The following DCDC1 variants were observed in gnomAD, a reference collection of about 807,000 sequenced individuals.
DCDC1 encodes the protein doublecortin domain containing 1, also known as doublecortin domain-containing protein 1.
DCDC1 carries 200 observed loss-of-function variants against 178.3 expected under a neutral mutation model. The ratio of observed to expected loss-of-function variants is 1.12; its 90% CI spans 1.00 to 1.26. The LOEUF is 1.26. Ranked by LOEUF, DCDC1 falls within the 50% of genes most tolerant of loss-of-function variation. DCDC1 has a pLI of 0.00. For synonymous variants in DCDC1, 690 were observed against 604.8 expected (o/e 1.14, Z -2.07); for missense variants, 1,983 against 1,749.2 (o/e 1.13, Z -2.38).
At chr11:31,257,883 T>C (rs1297840884) in intron 8 of DCDC1, among the ~76,000 whole-genome samples, 1 of 152,108 alleles carries the variant, frequency 6.6e-6, no homozygotes, top group Non-Finnish European at 1.5e-5. Context: ...TGAAACCTAT[T>C]AGAAGAATAA....
intron 8 of DCDC1, among the ~76,000 whole-genome samples, chr11:31,260,822 C>T (rs1340677355): frequency 6.6e-6 from 1 of 152,090 alleles, no homozygotes; most frequent in Non-Finnish European, 1.5e-5. Flanking sequence ...TTTAAAACCT[C>T]CCTCGAAATC....
intron 17 of DCDC1, 106 bp from the exon 18 acceptor site, chr11:31,078,031 C>G: frequency 1.5e-6 from 1 of 677,024 alleles, no homozygotes; most frequent in East Asian, 2.7e-5. Flanking sequence ...GGAGGACTGC[C>G]CACACTCTAC....
chr11:30,902,920 A>T (rs1221921378), intron 32 of DCDC1, among the ~76,000 whole-genome samples: 1 of 152,172 alleles, frequency 6.6e-6, no homozygotes, highest in Non-Finnish European at 1.5e-5. Context: ...CACAGCTATA[A>T]ACAGATCATT....
At chr11:31,213,999 G>A (rs1424392483) in intron 9 of DCDC1, among the ~76,000 whole-genome samples, 2 of 151,740 alleles carry the variant, frequency 1.3e-5, no homozygotes, top group African/African-American at 2.4e-5. Context: ...TTTGGTGGGG[G>A]GGACTTCCAT....
In DCDC1 at chr11:31,100,604, C is replaced by T. The variant is rs190700263; in HGVS notation, c.1983+1573G>A. Among the ~76,000 whole-genome samples, 308 of 152,236 alleles carry T rather than the reference C, an allele frequency of 2.0e-3. 1 individual carries two copies. The highest frequency in any genetic ancestry group is 4.0e-3 in the Non-Finnish European group (269 of 68,008). The stretch of plus-strand genomic sequence containing the variant: ...GGTATATCCCAGGCAAAGAACAATA[C>T]AAGCCATGGCACAAGTATACGAAAG... On this transcript the variant is annotated intron_variant, in intron 15 of 38. Coordinates refer to ENST00000684477, the MANE Select transcript of DCDC1 (RefSeq NM_001387274.1).
chr11:31,043,132 T>C (rs1470872028), intron 20 of DCDC1, among the ~76,000 whole-genome samples: 10 of 152,166 alleles, frequency 6.6e-5, no homozygotes, highest in Admixed American at 1.3e-4. Context: ...CGTAGCACAA[T>C]GGCAAGTATT....
intron 8 of DCDC1, among the ~76,000 whole-genome samples, chr11:31,262,461 A>G (rs2137080754): frequency 6.6e-6 from 1 of 152,292 alleles, no homozygotes; most frequent in South Asian, 2.1e-4. Flanking sequence ...AGCAATAGGT[A>G]GGAGAAAATT....
At chr11:31,086,849 G>T (rs933465782) in intron 17 of DCDC1, among the ~76,000 whole-genome samples, 3 of 152,044 alleles carry the variant, frequency 2.0e-5, no homozygotes, top group Non-Finnish European at 2.9e-5. Flanking sequence ...AGAGATACTG[G>T]TCTATGATTT....
chr11:30,965,730 T>A (rs1400470576), intron 20 of DCDC1, among the ~76,000 whole-genome samples: 8 of 142,406 alleles, frequency 5.6e-5, no homozygotes, highest in Admixed American at 5.0e-4. Flanking sequence ...TAGGTATATC[T>A]CCCAATGCTA....
chr11:30,908,677 C>G (rs1261396378), intron 29 of DCDC1, among the ~76,000 whole-genome samples: 1 of 152,022 alleles, frequency 6.6e-6, no homozygotes, highest in Non-Finnish European at 1.5e-5. Flanking sequence ...ACTTATTTCC[C>G]TAGTCTCTCT....
intron 7 of DCDC1, among the ~76,000 whole-genome samples, chr11:31,268,000 A>G (rs752276803): frequency 4.6e-5 from 7 of 152,232 alleles, no homozygotes; most frequent in Non-Finnish European, 1.0e-4. Flanking sequence ...ATTGCTCCTT[A>G]GCCAATCATG....
At position 31,102,223 on chromosome 11, in the gene DCDC1, TC is replaced by T; in HGVS notation, c.1936del (p.Asp646ThrfsTer17). The T allele has an allele frequency of 1.4e-6, 1 of 739,502 alleles. No homozygotes were observed. The highest frequency in any genetic ancestry group is 2.5e-6 in the Non-Finnish European group (1 of 401,372). The allele number at this position is 739,502 out of a possible 1,614,324, so 45.8% of individuals were successfully genotyped here. A position where few individuals can be genotyped will look rare whatever the true frequency, so the allele number is the denominator to read the frequency against. The stretch of plus-strand genomic sequence containing the variant: ...CTCCAAGTCCACCTTTTCAAACTGG[TC>T]AGGTATCTGTTGACTGGTACAGTTG... ...NFNCTSQQIP[D>X]QFEKVDLENH... is the part of the protein sequence containing the mutation. On this transcript the variant is annotated frameshift_variant, in exon 15 of 39. Coordinates refer to ENST00000684477, the MANE Select transcript of DCDC1 (RefSeq NM_001387274.1). LOFTEE classifies it high-confidence loss of function.
At position 31,094,172 on chromosome 11, in the gene DCDC1, T is replaced by C. The variant is rs969378061; in HGVS notation, c.1996A>G (p.Ile666Val). ...ATGGAAACAGAGGCATGAAGGACAA[T>C]ATTGGGATCTACCTGTATCATAAGA... ...HFLQNKVDPN[I>V]VLHASVSIGK... Residue 666 changes from isoleucine (I) to valine (V), a missense_variant, in exon 16 of 39, where the codon ATT becomes GTT. Physicochemically the swap from Ile to Val is conservative, Grantham distance 29. Transcript: ENST00000684477. The C allele has an allele frequency of 1.3e-6, 1 of 766,048 alleles. No individual in the cohort carries two copies. Among genetic ancestry groups the C allele is most frequent in the Non-Finnish European group, 2.4e-6 (1 of 417,780 alleles). The allele number at this position is 766,048 out of a possible 1,614,324, so 47.5% of individuals were successfully genotyped here. A position where few individuals can be genotyped will look rare whatever the true frequency, so the allele number is the denominator to read the frequency against.
At chr11:30,926,409 G>A (rs1946591410) in intron 22 of DCDC1, among the ~76,000 whole-genome samples, 1 of 152,160 alleles carries the variant, frequency 6.6e-6, no homozygotes, top group Non-Finnish European at 1.5e-5. Context: ...CAGATATGTG[G>A]TGTTATCAGG....
chr11:30,923,028 G>A, intron 23 of DCDC1, among the ~76,000 whole-genome samples: 1 of 151,776 alleles, frequency 6.6e-6, no homozygotes. Flanking sequence ...AAGGGAGGGA[G>A]GGAGGGAGAG....
At chr11:31,061,694 C>T (rs969845935) in intron 20 of DCDC1, among the ~76,000 whole-genome samples, 12 of 152,112 alleles carry the variant, frequency 7.9e-5, no homozygotes, top group African/African-American at 2.7e-4. Flanking sequence ...ATTTACTAGT[C>T]AATTCCTGTT....
chr11:31,042,582 G>T (rs1337369007), intron 20 of DCDC1, among the ~76,000 whole-genome samples: 4 of 151,802 alleles, frequency 2.6e-5, no homozygotes, highest in African/African-American at 9.7e-5. Context: ...TCCAAGGTTT[G>T]TTGTTGTTTT....
At chr11:30,937,824 AAAC>A (rs954590092) in intron 21 of DCDC1, among the ~76,000 whole-genome samples, 31 of 152,226 alleles carry the variant, frequency 2.0e-4, no homozygotes, top group African/African-American at 7.2e-4. Context: ...CCTCTCAGGA[AAAC>A]AACAACAAAA....
At chr11:31,120,290 A>T (rs968894276) in intron 11 of DCDC1, among the ~76,000 whole-genome samples, 8 of 152,280 alleles carry the variant, frequency 5.3e-5, no homozygotes, top group African/African-American at 7.2e-5. Flanking sequence ...GAATCTTGTT[A>T]TTATCCAGGT....
Sources: allele counts gnomAD v4.1 joint callset (sites outside exome capture counted in the v4.1 genomes callset), GRCh38; gene constraint gnomAD v4.1.1; transcripts MANE v1.5; gene names NCBI Gene and HGNC (gene_info 2026-07-23, HGNC 2026-07-21).